The following TFDP1 variants were observed in gnomAD, a reference collection of about 807,000 sequenced individuals.
TFDP1 encodes the protein transcription factor Dp-1.
Under a neutral mutation model 48.0 loss-of-function variants are expected in TFDP1, and 6 were observed. The ratio of observed to expected loss-of-function variants is 0.13; its 90% CI spans 0.07 to 0.25. The LOEUF is 0.25. Among genes scored for constraint, TFDP1 ranks in the 10% least tolerant of loss-of-function variants. The pLI is 1.00. For missense variants in TFDP1, 335 were observed against 543.0 expected, an observed-to-expected ratio of 0.62 and a Z score of 3.81; for synonymous variants, 201 against 211.6, an observed-to-expected ratio of 0.95 and a Z score of 0.44.
chr13:113,608,420 C>T (rs917044053), intron 2 of TFDP1, among the ~76,000 whole-genome samples: 38 of 152,318 alleles, frequency 2.5e-4, no homozygotes, highest in African/African-American at 8.9e-4. Flanking sequence ...TGGGCAGAGC[C>T]CTGGCTGTGC....
intron 7 of TFDP1, 27 bp from the exon 8 acceptor site, chr13:113,634,507 C>T: frequency 6.2e-7 from 1 of 1,604,064 alleles, no homozygotes; most frequent in Non-Finnish European, 8.5e-7. Context: ...TGTGATGATT[C>T]TTCACATGGG....
chr13:113,594,771 A>G (rs1172241694), intron 2 of TFDP1, among the ~76,000 whole-genome samples: 1 of 152,254 alleles, frequency 6.6e-6, no homozygotes, highest in African/African-American at 2.4e-5. Flanking sequence ...TGTATCCATT[A>G]AGTAGACTTT....
chr13:113,588,920 T>G (rs551103424), intron 2 of TFDP1, among the ~76,000 whole-genome samples: 5 of 147,142 alleles, frequency 3.4e-5, no homozygotes, highest in South Asian at 2.2e-4. Context: ...GTTGGTAGAG[T>G]GAGTGTGGTG....
Position 113,638,128 on chromosome 13 carries a change from T to C in TFDP1, c.1085+232T>C, listed in dbSNP as rs78797480. On this transcript the variant is annotated intron_variant, in intron 11 of 11. Coordinates refer to ENST00000375370, the MANE Select transcript of TFDP1 (RefSeq NM_007111.5). ...GTAATACATGGTGGTTTTTTTTTCA[T>C]AGTATCACCTAATAAGTAAAGTAGG... 4.6e-5 allele frequency among the ~76,000 whole-genome samples: 7 copies of C among 152,322 alleles called. No homozygotes were observed. In the East Asian group the frequency reaches 9.6e-4, roughly 21 times the overall value.
In TFDP1 at chr13:113,593,079, G is replaced by A. The variant is rs575142181; in HGVS notation, c.12+7230G>A. Among the ~76,000 whole-genome samples the A allele has an allele frequency of 3.5e-3, 509 of 146,414 alleles. 1 individual carries two copies. Among genetic ancestry groups the A allele is most frequent in the Non-Finnish European group, 6.2e-3 (413 of 66,844 alleles). On this transcript the variant is annotated intron_variant, in intron 2 of 11. Coordinates refer to ENST00000375370, the MANE Select transcript of TFDP1 (RefSeq NM_007111.5). Reference sequence around the variant, plus strand: ...TGCCCAGGTGACAGGTGTGGTGTGCGCGGGTCCTCAGCCCTGCCCAGGTGA... The same window carrying A: ...TGCCCAGGTGACAGGTGTGGTGTGCACGGGTCCTCAGCCCTGCCCAGGTGA...
intron 2 of TFDP1, among the ~76,000 whole-genome samples, chr13:113,600,460 CTG>C (rs2140330486): frequency 6.6e-6 from 1 of 150,846 alleles, no homozygotes; most frequent in Middle Eastern, 3.6e-3. Flanking sequence ...GGCTCCAGGA[CTG>C]CAAGAGAGAA....
chr13:113,587,830 A>G (rs1320598087), intron 2 of TFDP1, among the ~76,000 whole-genome samples: 1 of 152,168 alleles, frequency 6.6e-6, no homozygotes, highest in Non-Finnish European at 1.5e-5. Context: ...CAGCTTTTGC[A>G]GAAGGGAACA....
chr13:113,619,707 A>G (rs1305126112), intron 3 of TFDP1, among the ~76,000 whole-genome samples: 1 of 152,062 alleles, frequency 6.6e-6, no homozygotes, highest in African/African-American at 2.4e-5. Context: ...CCTCAGCCTC[A>G]GGATTTCTTT....
intron 2 of TFDP1, among the ~76,000 whole-genome samples, chr13:113,602,985 A>AAACAC (rs58126506): frequency 6.8e-6 from 1 of 146,954 alleles, no homozygotes; most frequent in Non-Finnish European, 1.5e-5. Flanking sequence ...AAAAAAAAAA[A>AAACAC]ACGTATAATT....
chr13:113,595,169 T>C (rs1267065444), intron 2 of TFDP1, among the ~76,000 whole-genome samples: 1 of 152,128 alleles, frequency 6.6e-6, no homozygotes, highest in East Asian at 1.9e-4. Flanking sequence ...TGGGAGATAA[T>C]TAAAAAAAAG....
rs2048339378 is a variant in TFDP1 at position 113,598,612 on chromosome 13, G to C, written c.13-12384G>C. On this transcript the variant is annotated intron_variant, in intron 2 of 11. Coordinates refer to ENST00000375370, the MANE Select transcript of TFDP1 (RefSeq NM_007111.5). The surrounding 1 kb of genome is among the most constrained non-coding windows in gnomAD (Gnocchi z 4.2). ...TATGAACTTACCTCCTCGCTCTTCA[G>C]CTTCCCCTGCCTGATGGCTCCAGGC... 6.6e-6 allele frequency among the ~76,000 whole-genome samples: 1 copy of C among 152,214 alleles called. No homozygotes were observed. The highest frequency in any genetic ancestry group is 6.5e-5 in the Admixed American group (1 of 15,290).
At chr13:113,640,099 C>G in intron 11 of TFDP1, 21 bp from the exon 12 acceptor site, 1 of 1,569,070 alleles carries the variant, frequency 6.4e-7, no homozygotes, top group East Asian at 2.3e-5. Context: ...CTGACGGCGC[C>G]ATCCGCCTCC....
rs1157702231 is a variant in TFDP1, at chr13:113,641,313, T to G, written c.*1046T>G. 6.6e-6 allele frequency: 1 copy of G among 152,252 alleles called. No homozygotes were observed. Among genetic ancestry groups the G allele is most frequent in the Non-Finnish European group, 1.5e-5 (1 of 68,044 alleles). 9.4% of individuals were successfully genotyped at this position (152,252 alleles called of 1,614,324 possible). A position where few individuals can be genotyped will look rare whatever the true frequency, so the allele number is the denominator to read the frequency against. On this transcript the variant is annotated 3_prime_UTR_variant, in exon 12 of 12. Coordinates refer to ENST00000375370, the MANE Select transcript of TFDP1 (RefSeq NM_007111.5). The stretch of plus-strand genomic sequence containing the variant: ...TCACAAAACCCATTAACTGCACAGT[T>G]GCTATTAGCTGCCTGTTCTAAAACG...
chr13:113,632,107 C>T (rs1176278233), intron 5 of TFDP1, among the ~76,000 whole-genome samples: 1 of 152,232 alleles, frequency 6.6e-6, no homozygotes, highest in Non-Finnish European at 1.5e-5. Flanking sequence ...TGGATTTCAC[C>T]CACTGCCCCT....
chr13:113,605,322 C>A (rs1054034155), intron 2 of TFDP1, among the ~76,000 whole-genome samples: 8 of 151,988 alleles, frequency 5.3e-5, no homozygotes, highest in Non-Finnish European at 8.8e-5. Flanking sequence ...GTTCAAGATC[C>A]ATTCAAAGAT....
At chr13:113,626,331 G>A (rs1340083730) in intron 4 of TFDP1, among the ~76,000 whole-genome samples, 1 of 152,190 alleles carries the variant, frequency 6.6e-6, no homozygotes, top group Non-Finnish European at 1.5e-5. Context: ...TTGCACTTTA[G>A]TCTTTATTTT....
In TFDP1 at chr13:113,626,600, G is replaced by A. The variant is rs550941773; in HGVS notation, c.186+3314G>A. Among the ~76,000 whole-genome samples the A allele has an allele frequency of 7.6e-4, 115 of 152,082 alleles. 1 individual carries two copies. The highest frequency in any genetic ancestry group is 2.6e-3 in the African/African-American group (109 of 41,458). ...TTCCAGATCCCAGGCAGCTTTTGTG[G>A]CCCCGTTTCCTGCCTGTGGAAGGTG... is the stretch of plus-strand genomic sequence containing the variant. On this transcript the variant is annotated intron_variant, in intron 4 of 11. Transcript: ENST00000375370.
chr13:113,624,509 G>T (rs1020815734), intron 4 of TFDP1, among the ~76,000 whole-genome samples: 5 of 148,124 alleles, frequency 3.4e-5, no homozygotes, highest in Non-Finnish European at 7.4e-5. Flanking sequence ...GTCTCTCAGG[G>T]TGTCTCTCAC....
In TFDP1 at chr13:113,633,919, C is replaced by T. The variant is rs374253994; in HGVS notation, c.504C>T (p.Arg168=). The T allele has an allele frequency of 1.2e-5, 19 of 1,613,730 alleles. No individual in the cohort carries two copies. Among genetic ancestry groups the T allele is most frequent in the East Asian group, 2.2e-5 (1 of 44,900 alleles). The stretch of plus-strand genomic sequence containing the variant: ...ATGACCAGAAAAACATAAGACGGCG[C>T]GTCTACGATGCCTTAAACGTGCTAA... ...SAYDQKNIRR[R]VYDALNVLMA... Residue 168 remains arginine, a synonymous_variant, in exon 7 of 12, where the codon CGC becomes CGT. Transcript: ENST00000375370. The surrounding 1 kb of genome is among the most constrained non-coding windows in gnomAD (Gnocchi z 4.5).
Sources: gnomAD v4.1 joint callset for allele counts (sites outside exome capture counted in the v4.1 genomes callset) on GRCh38, gnomAD v4.1.1 for gene constraint, Gnocchi (gnomAD v3.1) non-coding constraint, MANE v1.5 for transcripts, NCBI Gene and HGNC (gene_info 2026-07-23, HGNC 2026-07-21) for gene names.